Variants in CD247 observed in about 807,000 individuals in gnomAD.
CD247 encodes the protein CD247 molecule.
A neutral mutation model predicts 30.0 loss-of-function variants in CD247; 13 were observed. That is an observed-to-expected ratio of 0.43 (90% confidence interval 0.28 to 0.69). The LOEUF (loss-of-function observed/expected upper bound fraction) is 0.69, where lower values mean the gene tolerates loss of function less well. CD247 is among the 30% of genes least tolerant of loss of function. The pLI is 0.16. For synonymous variants in CD247, 72 were observed against 80.0 expected, an observed-to-expected ratio of 0.90 and a Z score of 0.53; for missense variants, 193 against 212.6, an observed-to-expected ratio of 0.91 and a Z score of 0.57.
At position 167,493,933 on chromosome 1, in the gene CD247, T is replaced by C. The variant is rs146197363; in HGVS notation, c.58+24475A>G. 9.8e-5 allele frequency among the ~76,000 whole-genome samples: 15 copies of C among 152,300 alleles called. No individual in the cohort carries two copies. The East Asian group carries it at 2.5e-3, about 25-fold the overall frequency. ...GGCACAGAATCAGCAAAAACCCCAC[T>C]GGAGACCCAAAATACCCTATATGCT... On this transcript the variant is annotated intron_variant, in intron 1 of 7. Transcript: ENST00000362089.
At chr1:167,500,818 C>T (rs1654867485) in intron 1 of CD247, among the ~76,000 whole-genome samples, 1 of 152,156 alleles carries the variant, frequency 6.6e-6, no homozygotes, top group Admixed American at 6.5e-5. Flanking sequence ...AGGATACCCC[C>T]CAAGAAATGT....
At chr1:167,475,752 G>A (rs1037469907) in intron 1 of CD247, among the ~76,000 whole-genome samples, 1 of 152,174 alleles carries the variant, frequency 6.6e-6, no homozygotes, top group African/African-American at 2.4e-5. Flanking sequence ...AATTCACACT[G>A]TGGGAGATTC....
intron 1 of CD247, among the ~76,000 whole-genome samples, chr1:167,499,663 C>T (rs1207594158): frequency 2.0e-5 from 3 of 152,146 alleles, no homozygotes; most frequent in Admixed American, 6.5e-5. Flanking sequence ...AATTTTAGTG[C>T]AGGGTATTCC....
rs1651215986 is a variant in CD247, at chr1:167,430,723, A to G, written c.*958T>C. The G allele has an allele frequency of 2.5e-6, 1 of 398,604 alleles. No homozygotes were observed. Among genetic ancestry groups the G allele is most frequent in the Non-Finnish European group, 4.4e-6 (1 of 226,104 alleles). 24.7% of individuals were successfully genotyped at this position (398,604 alleles called of 1,614,324 possible). The stretch of plus-strand genomic sequence containing the variant: ...AATTAAAACAGTAGAAAAAAAGCAG[A>G]GTAGAGAGCGTTTTCCATCCATGGC... On this transcript the variant is annotated 3_prime_UTR_variant, in exon 8 of 8. Coordinates refer to ENST00000362089, the MANE Select transcript of CD247 (RefSeq NM_198053.3).
chr1:167,457,315 CT>C (rs1652737488), intron 1 of CD247: 1 of 152,380 alleles, frequency 6.6e-6, no homozygotes, highest in Non-Finnish European at 1.5e-5. Context: ...CTTAGTCCCC[CT>C]GGCAGGGTTA....
chr1:167,470,105 G>A (rs1418532415), intron 1 of CD247, among the ~76,000 whole-genome samples: 2 of 151,860 alleles, frequency 1.3e-5, no homozygotes, highest in Non-Finnish European at 1.5e-5. Context: ...GTAGAGATGG[G>A]GTTTCACCAT....
At chr1:167,489,625 C>T (rs1488983503) in intron 1 of CD247, among the ~76,000 whole-genome samples, 1 of 152,156 alleles carries the variant, frequency 6.6e-6, no homozygotes, top group African/African-American at 2.4e-5. Flanking sequence ...GGACTTGGCT[C>T]ACTTTTCTGA....
intron 1 of CD247, among the ~76,000 whole-genome samples, chr1:167,482,718 A>G (rs1654022634): frequency 1.3e-5 from 2 of 152,302 alleles, no homozygotes; most frequent in East Asian, 1.9e-4. Flanking sequence ...CTGGACAAAT[A>G]TCCAAAGGGC....
rs1195338240 is a variant in CD247 at position 167,518,273 on chromosome 1, T to C, written c.58+135A>G. 6.1e-6 allele frequency: 5 copies of C among 816,962 alleles called. No individual in the cohort carries two copies. The African/African-American group carries it at 6.7e-5, about 11-fold the overall frequency. 50.6% of individuals were successfully genotyped at this position (816,962 alleles called of 1,614,324 possible). On this transcript the variant is annotated intron_variant, in intron 1 of 7. Transcript: ENST00000362089. ...CCGGGCCGGACCCCTCACTGCTCAC[T>C]TGCCCATTGATTTGAGGAGGGCAGG...
chr1:167,443,492 C>A (rs1272652291), intron 1 of CD247, among the ~76,000 whole-genome samples: 2 of 152,164 alleles, frequency 1.3e-5, no homozygotes, highest in Non-Finnish European at 2.9e-5. Flanking sequence ...GTGAGGACTG[C>A]AGAGGAGATA....
intron 1 of CD247, among the ~76,000 whole-genome samples, chr1:167,511,212 T>G (rs977255143): frequency 6.6e-6 from 1 of 152,250 alleles, no homozygotes; most frequent in Non-Finnish European, 1.5e-5. Context: ...TGTGCTGTTC[T>G]TTTAGAGAAT....
At chr1:167,498,459 C>T (rs12060060) in intron 1 of CD247, among the ~76,000 whole-genome samples, 37,438 of 152,080 alleles carry the variant, frequency 0.25, 5,087 homozygotes, top group South Asian at 0.44. Flanking sequence ...ACAGACATGG[C>T]CACTGGCACC....
intron 1 of CD247, among the ~76,000 whole-genome samples, chr1:167,469,628 T>C (rs955922933): frequency 2.7e-5 from 4 of 147,834 alleles, no homozygotes; most frequent in Non-Finnish European, 4.4e-5. Flanking sequence ...TCCTCACCCC[T>C]TTTTTTTTCT....
intron 1 of CD247, among the ~76,000 whole-genome samples, chr1:167,509,589 C>T (rs913637188): frequency 2.0e-5 from 3 of 152,118 alleles, no homozygotes; most frequent in African/African-American, 4.8e-5. Context: ...GAGCTGTTGA[C>T]ATTTTCCGCT....
At chr1:167,431,791 T>A (rs1200680794) in intron 7 of CD247, 45 bp from the exon 8 acceptor site, 1 of 1,572,640 alleles carries the variant, frequency 6.4e-7, no homozygotes, top group Admixed American at 1.7e-5. Flanking sequence ...GTCAGTAGCC[T>A]GTGTGGGCAG....
intron 1 of CD247, among the ~76,000 whole-genome samples, chr1:167,454,219 A>T (rs1005355040): frequency 6.6e-5 from 10 of 152,210 alleles, no homozygotes; most frequent in Non-Finnish European, 1.3e-4. Flanking sequence ...ACACGTTAAA[A>T]ATATATGTAT....
intron 7 of CD247, 39 bp from the exon 8 acceptor site, chr1:167,431,785 G>T (rs755231397): frequency 2.2e-5 from 35 of 1,587,172 alleles, no homozygotes; most frequent in Non-Finnish European, 2.7e-5. Flanking sequence ...GAGTGGGTCA[G>T]TAGCCTGTGT....
At chr1:167,496,096 T>C (rs189205097) in intron 1 of CD247, among the ~76,000 whole-genome samples, 65 of 152,368 alleles carry the variant, frequency 4.3e-4, no homozygotes, top group African/African-American at 1.5e-3. Context: ...AGACTGTTCC[T>C]GCTACATAGT....
intron 1 of CD247, chr1:167,448,251 A>C (rs2102006474): frequency 1.9e-6 from 1 of 515,012 alleles, no homozygotes; most frequent in East Asian, 1.5e-4. Context: ...AGGCTCAGAG[A>C]AGTTAATAAC....
Sources: allele counts gnomAD v4.1 joint callset (sites outside exome capture counted in the v4.1 genomes callset), GRCh38; gene constraint gnomAD v4.1.1; transcripts MANE v1.5; gene names NCBI Gene and HGNC (gene_info 2026-07-23, HGNC 2026-07-21).